STXBP5L: variants seen among roughly 807,000 people sequenced by gnomAD.
The protein encoded by STXBP5L is syntaxin binding protein 5L.
Under a neutral mutation model 144.5 loss-of-function variants are expected in STXBP5L, and 65 were observed. That is an observed-to-expected ratio of 0.45 (90% CI 0.37 to 0.55). The LOEUF (loss-of-function observed/expected upper bound fraction) is 0.55, where lower values mean the gene tolerates loss of function less well. Ranked by LOEUF, STXBP5L falls within the 20% of genes least tolerant of loss-of-function variation. STXBP5L has a pLI of 0.00. For missense variants in STXBP5L, 1,298 were observed against 1,405.5 expected (o/e 0.92, Z 1.22); for synonymous variants, 505 against 469.6 (o/e 1.08, Z -0.97).
Position 121,279,796 on chromosome 3 carries a change from C to G in STXBP5L, c.1959-9C>G. The G allele has an allele frequency of 6.2e-7, 1 of 1,606,036 alleles. No individual in the cohort carries two copies. Among genetic ancestry groups the G allele is most frequent in the Non-Finnish European group, 8.5e-7 (1 of 1,176,630 alleles). ...GATACATTCTAGTTGTATTTTTTTT[C>G]TCTCTTAGAGTTGCATTTGGGAACT... On this transcript the variant is annotated splice_polypyrimidine_tract_variant and intron_variant, in intron 18 of 26. Coordinates refer to ENST00000471454, the MANE Select transcript of STXBP5L (RefSeq NM_001308330.2).
chr3:121,071,133 A>G (rs2041794119), intron 5 of STXBP5L, among the ~76,000 whole-genome samples: 1 of 152,206 alleles, frequency 6.6e-6, no homozygotes. Context: ...TTATAACCAT[A>G]GGTGAAAGTG....
At chr3:121,319,494 TG>T (rs796698498) in intron 20 of STXBP5L, among the ~76,000 whole-genome samples, 9 of 152,300 alleles carry the variant, frequency 5.9e-5, no homozygotes, top group African/African-American at 1.9e-4. Context: ...TTATATCCTA[TG>T]TAAATTTTTC....
At chr3:121,225,584 TAC>T (rs1243161114) in intron 11 of STXBP5L, among the ~76,000 whole-genome samples, 1 of 152,070 alleles carries the variant, frequency 6.6e-6, no homozygotes, top group African/African-American at 2.4e-5. Flanking sequence ...GATTAGAGAC[TAC>T]CACAAATGTG....
chr3:121,011,668 A>T (rs1238022695), intron 3 of STXBP5L, among the ~76,000 whole-genome samples: 1 of 151,890 alleles, frequency 6.6e-6, no homozygotes, highest in Non-Finnish European at 1.5e-5. Flanking sequence ...ACTTTTAAAA[A>T]AAAAAAGTTA....
intron 13 of STXBP5L, among the ~76,000 whole-genome samples, chr3:121,240,053 A>T (rs1358088249): frequency 6.6e-6 from 1 of 152,102 alleles, no homozygotes; most frequent in Non-Finnish European, 1.5e-5. Flanking sequence ...GATTTCTATT[A>T]TTCTCCCAGG....
At chr3:121,074,873 C>T (rs937253996) in intron 5 of STXBP5L, among the ~76,000 whole-genome samples, 6 of 152,180 alleles carry the variant, frequency 3.9e-5, no homozygotes, top group Non-Finnish European at 8.8e-5. Flanking sequence ...AACCTGCTGT[C>T]CTCCAATCAC....
At chr3:121,333,663 A>C (rs1247952884) in intron 20 of STXBP5L, among the ~76,000 whole-genome samples, 1 of 152,150 alleles carries the variant, frequency 6.6e-6, no homozygotes, top group Non-Finnish European at 1.5e-5. Context: ...GAAGATTCAA[A>C]TAAATGCAAT....
chr3:121,378,523 A>C (rs1421843684), intron 20 of STXBP5L, among the ~76,000 whole-genome samples, 193 bp from the exon 21 acceptor site: 5 of 152,206 alleles, frequency 3.3e-5, no homozygotes, highest in Admixed American at 3.3e-4. Context: ...TACTTAATAA[A>C]TATCTTTTGA....
intron 19 of STXBP5L, among the ~76,000 whole-genome samples, chr3:121,307,273 A>T (rs1478247958): frequency 6.6e-6 from 1 of 152,194 alleles, no homozygotes; most frequent in Non-Finnish European, 1.5e-5. Context: ...ACTTGCAAAG[A>T]AACAAAGTGT....
chr3:121,092,302 G>T (rs548321790), intron 5 of STXBP5L, among the ~76,000 whole-genome samples: 2 of 152,140 alleles, frequency 1.3e-5, no homozygotes, highest in African/African-American at 2.4e-5. Context: ...TTCCAATTCT[G>T]TGATGAAAGT....
rs1410776038 is a variant in STXBP5L at position 121,318,476 on chromosome 3, T to C, written c.2112T>C (p.Gly704=). The change falls in exon 20 of 27, where the codon GGT becomes GGC. Residue 704 remains glycine (G), a splice_region_variant and synonymous_variant. Coordinates refer to ENST00000471454, the MANE Select transcript of STXBP5L (RefSeq NM_001308330.2). ...SPRKNKQFIA[G]LTELNDSPVP... Reference sequence around the variant, plus strand: ...CATTTTTTTTCATTGTATTTTCAGGTTTAACTGAACTGAATGACAGTCCAG... The same window carrying C: ...CATTTTTTTTCATTGTATTTTCAGGCTTAACTGAACTGAATGACAGTCCAG... 12 of 1,553,590 alleles carry C rather than the reference T, an allele frequency of 7.7e-6. No individual in the cohort carries two copies. The highest frequency in any genetic ancestry group is 2.0e-5 in the Admixed American group (1 of 51,022).
chr3:121,003,187 T>C (rs1943941231), intron 3 of STXBP5L, among the ~76,000 whole-genome samples: 1 of 152,276 alleles, frequency 6.6e-6, no homozygotes, highest in African/African-American at 2.4e-5. Flanking sequence ...GTAAAAGTGT[T>C]CCTATTTCTC....
chr3:121,052,431 C>G (rs917926445), intron 5 of STXBP5L, among the ~76,000 whole-genome samples: 1 of 152,158 alleles, frequency 6.6e-6, no homozygotes, highest in Non-Finnish European at 1.5e-5. Context: ...GGATGGAAGG[C>G]TGGTTCAATA....
At chr3:121,351,596 T>A (rs1433766616) in intron 20 of STXBP5L, among the ~76,000 whole-genome samples, 1 of 152,190 alleles carries the variant, frequency 6.6e-6, no homozygotes, top group Non-Finnish European at 1.5e-5. Context: ...ATAAGCCCTT[T>A]GTCAGATAGG....
At chr3:121,052,387 CTTATCCA>C (rs1948085459) in intron 5 of STXBP5L, among the ~76,000 whole-genome samples, 1 of 152,114 alleles carries the variant, frequency 6.6e-6, no homozygotes, top group Non-Finnish European at 1.5e-5. Context: ...CATCAAAAAG[CTTATCCA>C]CCATGATCAA....
chr3:121,005,979 G>A (rs1180326768), intron 3 of STXBP5L, among the ~76,000 whole-genome samples: 1 of 152,158 alleles, frequency 6.6e-6, no homozygotes, highest in Non-Finnish European at 1.5e-5. Context: ...CAACTATGTG[G>A]TCACTTTTGG....
chr3:121,138,243 T>C (rs1013455841), intron 7 of STXBP5L, among the ~76,000 whole-genome samples: 9 of 151,922 alleles, frequency 5.9e-5, no homozygotes, highest in African/African-American at 7.2e-5. Context: ...TATAAGACAT[T>C]GATAAGAGAA....
At chr3:121,046,009 G>C (rs573295780) in intron 5 of STXBP5L, among the ~76,000 whole-genome samples, 1 of 152,098 alleles carries the variant, frequency 6.6e-6, no homozygotes, top group Non-Finnish European at 1.5e-5. Context: ...GTTTGTCATA[G>C]ATGGCTCTTC....
At chr3:121,018,139 A>G (rs1945275655) in intron 3 of STXBP5L, among the ~76,000 whole-genome samples, 1 of 152,176 alleles carries the variant, frequency 6.6e-6, no homozygotes, top group Non-Finnish European at 1.5e-5. Flanking sequence ...GCAATATTCA[A>G]TATTGTCAAG....
Sources: allele counts gnomAD v4.1 joint callset (sites outside exome capture counted in the v4.1 genomes callset), GRCh38; gene constraint gnomAD v4.1.1; transcripts MANE v1.5; gene names NCBI Gene and HGNC (gene_info 2026-07-23, HGNC 2026-07-21).